PRPS1: variants seen among roughly 807,000 people sequenced by gnomAD.
PRPS1 encodes the protein ribose-phosphate pyrophosphokinase 1.
PRPS1 carries 1 observed loss-of-function variant against 16.9 expected under a neutral mutation model. The ratio of observed to expected loss-of-function variants is 0.06; its 90% CI spans 0.02 to 0.28. The LOEUF is 0.28. PRPS1 is among the 10% of genes least tolerant of loss of function. The pLI is 1.00. For missense variants in PRPS1, 47 were observed against 254.0 expected (o/e 0.19, Z 5.54); for synonymous variants, 70 against 90.2 (o/e 0.78, Z 1.27).
At chrX:107,632,945 C>T (rs1472896781) in intron 1 of PRPS1, among the ~76,000 whole-genome samples, 1 of 111,753 alleles carries the variant, frequency 8.9e-6, no homozygotes, top group East Asian at 2.8e-4. Context: ...GGCAGTATCA[C>T]CTAGTTTACT....
chrX:107,637,948 A>T (rs184457141), intron 1 of PRPS1, among the ~76,000 whole-genome samples: 3,895 of 103,571 alleles, frequency 0.038, 171 homozygotes, highest in African/African-American at 0.12. Flanking sequence ...ATATATATAT[A>T]TATTTTTTTG....
intron 3 of PRPS1, among the ~76,000 whole-genome samples, chrX:107,641,331 T>C (rs753343045): frequency 8.9e-6 from 1 of 111,921 alleles, no homozygotes; most frequent in African/African-American, 3.2e-5. Flanking sequence ...ATTCATATTA[T>C]AATGCCTGGC....
chrX:107,649,378 T>C (rs908082028), intron 6 of PRPS1, among the ~76,000 whole-genome samples: 1 of 111,326 alleles, frequency 9.0e-6, no homozygotes, highest in African/African-American at 3.3e-5. Flanking sequence ...TGAGCCACAG[T>C]GCCCAGCCAT....
At chrX:107,645,665 A>T (rs1202221864) in intron 5 of PRPS1, among the ~76,000 whole-genome samples, 1 of 111,641 alleles carries the variant, frequency 9.0e-6, no homozygotes, top group East Asian at 2.8e-4. Context: ...TCGCCTGATC[A>T]TCAAAGTTTT....
chrX:107,648,630 C>T (rs1241355485), intron 6 of PRPS1, among the ~76,000 whole-genome samples: 2 of 110,118 alleles, frequency 1.8e-5, no homozygotes, highest in African/African-American at 6.6e-5. Context: ...CCAGGCTGGT[C>T]TCAAACTCCT....
rs767868747 is a variant in PRPS1, at chrX:107,646,294, T to A, written c.704+944T>A. On this transcript the variant is annotated intron_variant, in intron 5 of 6. Transcript: ENST00000372435. ...ATTATTTATTATTATTATTATTATTTTTGTAGAGAAGGAGTCCCACTATGT... is the reference window on the plus strand; with the variant it reads ...ATTATTTATTATTATTATTATTATTATTGTAGAGAAGGAGTCCCACTATGT... Among the ~76,000 whole-genome samples the A allele has an allele frequency of 4.6e-5, 5 of 109,749 alleles. No homozygotes were observed. The South Asian group carries it at 1.2e-3, about 26-fold the overall frequency.
chrX:107,640,344 C>CAAA (rs759522021), intron 2 of PRPS1, among the ~76,000 whole-genome samples: 10 of 24,625 alleles, frequency 4.1e-4, no homozygotes, highest in Admixed American at 1.4e-3. Flanking sequence ...TCTGTCTCTA[C>CAAA]AAAAAAAAAA....
Position 107,639,406 on chromosome X carries a change from G to A in PRPS1, c.234G>A (p.Lys78=). The A allele has an allele frequency of 1.7e-6, 2 of 1,211,764 alleles. No individual in the cohort carries two copies. Among genetic ancestry groups the A allele is most frequent in the Non-Finnish European group, 2.2e-6 (2 of 895,524 alleles). The part of the protein sequence containing the change: ...MELLIMINAC[K]IASASRVTAV... ...TTTTGATCATGATTAATGCCTGCAAGATTGCTTCAGCCAGCCGGGTTACTG... is the reference window on the plus strand; with the variant it reads ...TTTTGATCATGATTAATGCCTGCAAAATTGCTTCAGCCAGCCGGGTTACTG... The change falls in exon 2 of 7, where the codon AAG becomes AAA. Residue 78 remains lysine (K), a synonymous_variant. Coordinates refer to ENST00000372435, the MANE Select transcript of PRPS1 (RefSeq NM_002764.4).
intron 1 of PRPS1, among the ~76,000 whole-genome samples, chrX:107,634,850 G>A (rs921921955): frequency 2.1e-5 from 1 of 47,496 alleles, no homozygotes; most frequent in Non-Finnish European, 4.2e-5. Flanking sequence ...TTTTTTTTTT[G>A]AGACAGAGTC....
chrX:107,642,318 T>C, intron 3 of PRPS1, 48 bp from the exon 4 acceptor site: 1 of 1,207,559 alleles, frequency 8.3e-7, no homozygotes, highest in Non-Finnish European at 1.1e-6. Context: ...CATTTATAAA[T>C]GGAAGAGAAG....
rs1012174319 is a variant in PRPS1, at chrX:107,639,361, C to T, written c.189C>T (p.Ile63=). The part of the protein sequence containing the change: ...VYIVQSGCGE[I]NDNLMELLIM... ...TTGTTCAGAGTGGTTGTGGCGAAAT[C>T]AATGACAATTTAATGGAGCTTTTGA... Residue 63 remains isoleucine, a synonymous_variant, in exon 2 of 7, where the codon ATC becomes ATT. Coordinates refer to ENST00000372435, the MANE Select transcript of PRPS1 (RefSeq NM_002764.4). The T allele has an allele frequency of 8.3e-7, 1 of 1,211,416 alleles. No homozygotes were observed. Among genetic ancestry groups the T allele is most frequent in the East Asian group, 3.0e-5 (1 of 33,840 alleles).
chrX:107,650,137 G>A lies in PRPS1; in HGVS notation c.*105G>A. On this transcript the variant is annotated 3_prime_UTR_variant, in exon 7 of 7. Transcript: ENST00000372435. The stretch of plus-strand genomic sequence containing the variant: ...AGAAGACCCGGCTTGCTCCAGTGTA[G>A]CTTTCTACATCCCACATCAGGTATA... 8.5e-7 allele frequency: 1 copy of A among 1,178,035 alleles called. No individual in the cohort carries two copies. The highest frequency in any genetic ancestry group is 1.1e-6 in the Non-Finnish European group (1 of 873,711).
At chrX:107,641,109 C>A (rs1363714607) in intron 3 of PRPS1, 109 bp downstream of exon 3, 1 of 1,194,876 alleles carries the variant, frequency 8.4e-7, no homozygotes, top group Non-Finnish European at 1.1e-6. Flanking sequence ...CTGAAATAAA[C>A]TAGATATCAA....
intron 1 of PRPS1, among the ~76,000 whole-genome samples, chrX:107,638,535 C>A (rs781229093): frequency 8.9e-6 from 1 of 111,734 alleles, no homozygotes; most frequent in Non-Finnish European, 1.9e-5. Flanking sequence ...TGAGCCATCA[C>A]GCCCGGCCAT....
chrX:107,641,174 G>A (rs1925564739), intron 3 of PRPS1, 174 bp downstream of exon 3: 1 of 1,145,934 alleles, frequency 8.7e-7, no homozygotes, highest in African/African-American at 1.8e-5. Flanking sequence ...GTCATTTCAG[G>A]TGGTTAGATA....
chrX:107,629,018 A>G (rs982280487), intron 1 of PRPS1, among the ~76,000 whole-genome samples: 2 of 111,175 alleles, frequency 1.8e-5, no homozygotes, highest in Non-Finnish European at 3.8e-5. Context: ...GGGACCCAAT[A>G]GATAGTGGCT....
At chrX:107,635,559 G>GTAGC (rs1925415698) in intron 1 of PRPS1, among the ~76,000 whole-genome samples, 1 of 109,650 alleles carries the variant, frequency 9.1e-6, no homozygotes, top group Admixed American at 9.8e-5. Context: ...AGTCTCCCCA[G>GTAGC]TAGCTGCAAT....
In PRPS1 at chrX:107,641,172, A is replaced by G. The variant is rs1925564637; in HGVS notation, c.405+172A>G. On this transcript the variant is annotated intron_variant, in intron 3 of 6. Transcript: ENST00000372435. The stretch of plus-strand genomic sequence containing the variant: ...CATACTTCATGATCTTAGTCATTTC[A>G]GGTGGTTAGATAGGGAGGCAGTCTA... 5.2e-6 allele frequency: 6 copies of G among 1,150,322 alleles called. No individual in the cohort carries two copies. The South Asian group carries it at 1.2e-4, about 22-fold the overall frequency. The allele number at this position is 1,150,322 out of a possible 1,213,427, so 94.8% of individuals were successfully genotyped here. A position where few individuals can be genotyped will look rare whatever the true frequency, so the allele number is the denominator to read the frequency against.
chrX:107,648,193 G>A (rs553737184), intron 6 of PRPS1, among the ~76,000 whole-genome samples: 1 of 111,745 alleles, frequency 8.9e-6, no homozygotes, highest in South Asian at 3.7e-4. Flanking sequence ...GTGTTTCTCA[G>A]TGTGCTCTGG....
Sources: gnomAD v4.1 joint callset for allele counts (sites outside exome capture counted in the v4.1 genomes callset) on GRCh38, gnomAD v4.1.1 for gene constraint, MANE v1.5 for transcripts, NCBI Gene and HGNC (gene_info 2026-07-23, HGNC 2026-07-21) for gene names.